Variants in IGF2BP2 observed in about 807,000 individuals in gnomAD.
The protein encoded by IGF2BP2 is insulin like growth factor 2 mRNA binding protein 2, also known as insulin-like growth factor 2 mRNA-binding protein 2.
A neutral mutation model predicts 75.8 loss-of-function variants in IGF2BP2; 17 were observed. The observed-to-expected ratio is 0.22, with a 90% CI of 0.15 to 0.34. The LOEUF is 0.34. IGF2BP2 is among the 10% of genes least tolerant of loss of function. The pLI, the probability that IGF2BP2 is intolerant of heterozygous loss-of-function variation, is 1.00. For synonymous variants in IGF2BP2, 288 were observed against 295.6 expected, an observed-to-expected ratio of 0.97 and a Z score of 0.26; for missense variants, 516 against 772.4, an observed-to-expected ratio of 0.67 and a Z score of 3.93.
chr3:185,796,511 G>A (rs933414538), intron 2 of IGF2BP2, among the ~76,000 whole-genome samples: 2 of 144,342 alleles, frequency 1.4e-5, no homozygotes, highest in Non-Finnish European at 3.0e-5. Flanking sequence ...GTTGTAGTGA[G>A]CAGAGATCAC....
Position 185,677,066 on chromosome 3 carries a change from TATAGAGAG to T in IGF2BP2, c.813-1161_813-1154del, listed in dbSNP as rs1321351457. On this transcript the variant is annotated intron_variant, in intron 7 of 15. Coordinates refer to ENST00000382199, the MANE Select transcript of IGF2BP2 (RefSeq NM_006548.6). ...GGAGATATATATATATATATATATA[TATAGAGAG>T]AGAGAGAGAGAGAGAGAGAGAGAGA... Among the ~76,000 whole-genome samples, 249 of 38,362 alleles carry T rather than the reference TATAGAGAG, an allele frequency of 6.5e-3. 1 individual carries two copies. Among genetic ancestry groups the T allele is most frequent in the South Asian group, 0.02 (23 of 1,132 alleles). The allele number at this position is 38,362 out of a possible 152,430, so 25.2% of individuals were successfully genotyped here.
At chr3:185,649,568 TCAGCCAG>T (rs747577247) in intron 13 of IGF2BP2, 34 bp from the exon 14 acceptor site, 46 of 1,612,416 alleles carry the variant, frequency 2.9e-5, no homozygotes, top group Middle Eastern at 3.3e-4. Context: ...TGACTCTCAG[TCAGCCAG>T]CAGCCGGCCA....
intron 2 of IGF2BP2, among the ~76,000 whole-genome samples, chr3:185,798,752 T>C (rs1365589565): frequency 6.6e-6 from 1 of 151,994 alleles, no homozygotes; most frequent in East Asian, 1.9e-4. Flanking sequence ...AAGAAAACCC[T>C]GAGTAAGCAA....
intron 10 of IGF2BP2, among the ~76,000 whole-genome samples, chr3:185,668,487 CGAGAGAGAGA>C (rs1274930634): frequency 8.0e-6 from 1 of 124,814 alleles, no homozygotes; most frequent in African/African-American, 3.0e-5. Context: ...TTCATTTGTT[CGAGAGAGAGA>C]GAGAGAGAGA....
At chr3:185,736,582 G>A (rs1327760098) in intron 2 of IGF2BP2, among the ~76,000 whole-genome samples, 1 of 152,192 alleles carries the variant, frequency 6.6e-6, no homozygotes, top group Non-Finnish European at 1.5e-5. Flanking sequence ...CACTGGAATA[G>A]GCCCACTTGC....
intron 2 of IGF2BP2, among the ~76,000 whole-genome samples, chr3:185,820,227 TATACACATACACACACAC>T (rs1206723515): frequency 1.8e-3 from 166 of 91,688 alleles, no homozygotes; most frequent in African/African-American, 9.1e-3. Context: ...TATGTGTATA[TATACACATACACACACAC>T]ACACACACAC....
chr3:185,683,894 G>C (rs2149287623), intron 7 of IGF2BP2, among the ~76,000 whole-genome samples: 1 of 152,328 alleles, frequency 6.6e-6, no homozygotes, highest in South Asian at 2.1e-4. Context: ...GGAACGTAGA[G>C]CAGAAAAATG....
At chr3:185,746,070 T>C (rs1730212729) in intron 2 of IGF2BP2, among the ~76,000 whole-genome samples, 1 of 152,150 alleles carries the variant, frequency 6.6e-6, no homozygotes, top group Non-Finnish European at 1.5e-5. Context: ...TCTACCTTAT[T>C]ATAAGGACCC....
At chr3:185,801,029 C>T (rs953406042) in intron 2 of IGF2BP2, among the ~76,000 whole-genome samples, 3 of 151,944 alleles carry the variant, frequency 2.0e-5, no homozygotes, top group African/African-American at 7.2e-5. Flanking sequence ...AAAAACAACT[C>T]CATAAAAGAG....
chr3:185,780,673 C>T (rs906950845), intron 2 of IGF2BP2, among the ~76,000 whole-genome samples: 3 of 152,238 alleles, frequency 2.0e-5, no homozygotes, highest in African/African-American at 4.8e-5. Context: ...ATGTTATATA[C>T]GTGATTCCTT....
intron 10 of IGF2BP2, among the ~76,000 whole-genome samples, chr3:185,666,047 TAG>T (rs1454998960): frequency 1.4e-5 from 2 of 143,168 alleles, no homozygotes; most frequent in Non-Finnish European, 3.1e-5. Context: ...GATAGATAGA[TAG>T]ATAGATAGAG....
intron 2 of IGF2BP2, among the ~76,000 whole-genome samples, chr3:185,720,391 C>T (rs1482526556): frequency 6.6e-6 from 1 of 152,170 alleles, no homozygotes; most frequent in African/African-American, 2.4e-5. Flanking sequence ...GCTGCCCAGG[C>T]TGGAGTGTAA....
At chr3:185,667,065 A>C (rs2039676624) in intron 10 of IGF2BP2, among the ~76,000 whole-genome samples, 1 of 152,246 alleles carries the variant, frequency 6.6e-6, no homozygotes, top group African/African-American at 2.4e-5. Flanking sequence ...AGACAGAGAC[A>C]AACGGAAGGG....
At chr3:185,711,500 G>A (rs572867585) in intron 2 of IGF2BP2, among the ~76,000 whole-genome samples, 2 of 152,098 alleles carry the variant, frequency 1.3e-5, no homozygotes, top group African/African-American at 2.4e-5. Flanking sequence ...CATCTGTCTC[G>A]GTTCCTGAGT....
chr3:185,676,903 GAT>G (rs1182507399), intron 7 of IGF2BP2, among the ~76,000 whole-genome samples: 4 of 140,768 alleles, frequency 2.8e-5, no homozygotes. Context: ...ATTTACTGGA[GAT>G]ATATATATGA....
rs1713019041 is a variant in IGF2BP2, at chr3:185,643,767, TTC to T, written c.*1762_*1763del. ...TGTTAGCTGGATATATTTCTGTTTT[TTC>T]TTTTTTTTTCTTTTTTTTTTTTTTT... On this transcript the variant is annotated 3_prime_UTR_variant, in exon 16 of 16. Transcript: ENST00000382199. 7.1e-6 allele frequency: 1 copy of T among 140,738 alleles called. No individual in the cohort carries two copies. Among genetic ancestry groups the T allele is most frequent in the South Asian group, 2.4e-4 (1 of 4,250 alleles). 8.7% of individuals were successfully genotyped at this position (140,738 alleles called of 1,614,324 possible).
At chr3:185,657,245 A>T (rs1295948467) in intron 12 of IGF2BP2, 41 bp downstream of exon 12, 2 of 1,347,568 alleles carry the variant, frequency 1.5e-6, no homozygotes, top group African/African-American at 1.4e-5. Flanking sequence ...GGATGAGAGG[A>T]GGTGGTAGAA....
intron 2 of IGF2BP2, among the ~76,000 whole-genome samples, chr3:185,718,982 C>A (rs925304252): frequency 6.6e-6 from 1 of 152,152 alleles, no homozygotes; most frequent in African/African-American, 2.4e-5. Context: ...CAAATCATGC[C>A]TTGCCAGGTG....
intron 5 of IGF2BP2, among the ~76,000 whole-genome samples, chr3:185,692,340 G>A (rs1249997835): frequency 6.6e-6 from 1 of 152,182 alleles, no homozygotes; most frequent in Non-Finnish European, 1.5e-5. Flanking sequence ...CAGAGTCTAG[G>A]AGACACAGTG....
Sources: gnomAD v4.1 joint callset for allele counts (sites outside exome capture counted in the v4.1 genomes callset) on GRCh38, gnomAD v4.1.1 for gene constraint, MANE v1.5 for transcripts, NCBI Gene and HGNC (gene_info 2026-07-23, HGNC 2026-07-21) for gene names.